The following CDS1 variants were observed in gnomAD, a reference collection of about 807,000 sequenced individuals.
CDS1 encodes CDP-diacylglycerol synthase 1.
Under a neutral mutation model 62.1 loss-of-function variants are expected in CDS1, and 41 were observed. The observed-to-expected ratio is 0.66, with a 90% confidence interval of 0.51 to 0.86. CDS1 has a LOEUF of 0.86. Ranked by LOEUF, CDS1 falls within the 40% of genes least tolerant of loss-of-function variation. The probability of loss-of-function intolerance (pLI) is 0.00; values close to 1 mark genes in which losing one functional copy is unlikely to be tolerated. For synonymous variants in CDS1, 185 were observed against 192.6 expected (o/e 0.96, Z 0.32); for missense variants, 470 against 550.1 (o/e 0.85, Z 1.46).
Position 84,583,196 on chromosome 4 carries a change from C to G in CDS1, c.-206C>G. 2.1e-6 allele frequency: 1 copy of G among 482,742 alleles called. No homozygotes were observed. Among genetic ancestry groups the G allele is most frequent in the Admixed American group, 4.4e-5 (1 of 22,782 alleles). 29.9% of individuals were successfully genotyped at this position (482,742 alleles called of 1,614,324 possible). The stretch of plus-strand genomic sequence containing the variant: ...CCGCCGGAGCCGCGCTCGCTGCAGG[C>G]GGCCTCGAGCGCTCTCTCGTTGATG... On this transcript the variant is annotated 5_prime_UTR_variant, in exon 1 of 13. Coordinates refer to ENST00000295887, the MANE Select transcript of CDS1 (RefSeq NM_001263.4).
At chr4:84,639,478 C>A (rs1049735327) in intron 9 of CDS1, among the ~76,000 whole-genome samples, 12 of 152,292 alleles carry the variant, frequency 7.9e-5, no homozygotes, top group Admixed American at 2.0e-4. Context: ...AACAGTCTAA[C>A]TATAAACTAT....
At chr4:84,634,013 C>A in intron 7 of CDS1, 74 bp downstream of exon 7, 1 of 778,600 alleles carries the variant, frequency 1.3e-6, no homozygotes, top group South Asian at 2.1e-5. Flanking sequence ...TGGATAGTGT[C>A]TTACAGATTT....
rs1264703541 is a variant in CDS1, at chr4:84,650,768, A to G, written c.*2082A>G. On this transcript the variant is annotated 3_prime_UTR_variant, in exon 13 of 13. Coordinates refer to ENST00000295887, the MANE Select transcript of CDS1 (RefSeq NM_001263.4). ...ATTGAATGTACATTATCCTATATGTAAAAAAGCAAATTATTAATTTTAATG... is the reference window on the plus strand; with the variant it reads ...ATTGAATGTACATTATCCTATATGTGAAAAAGCAAATTATTAATTTTAATG... 6.6e-6 allele frequency: 1 copy of G among 152,210 alleles called. No individual in the cohort carries two copies. Among genetic ancestry groups the G allele is most frequent in the African/African-American group, 2.4e-5 (1 of 41,460 alleles). 9.4% of individuals were successfully genotyped at this position (152,210 alleles called of 1,614,324 possible). A position where few individuals can be genotyped will look rare whatever the true frequency, so the allele number is the denominator to read the frequency against.
chr4:84,603,168 A>G lies in CDS1; in HGVS notation c.118-1075A>G, dbSNP rs77012833. ...TTCGAAGGGGTGATGACATTTGCCAATGTTTTGGAGCTAATAAGGGCTGAG... is the reference window on the plus strand; with the variant it reads ...TTCGAAGGGGTGATGACATTTGCCAGTGTTTTGGAGCTAATAAGGGCTGAG... On this transcript the variant is annotated intron_variant, in intron 1 of 12. Coordinates refer to ENST00000295887, the MANE Select transcript of CDS1 (RefSeq NM_001263.4). Among the ~76,000 whole-genome samples, 1,121 of 152,298 alleles carry G rather than the reference A, an allele frequency of 7.4e-3. 22 individuals are homozygous for G. The highest frequency in any genetic ancestry group is 0.025 in the African/African-American group (1,057 of 41,554).
rs973390062 is a variant in CDS1 at position 84,583,175 on chromosome 4, C to G, written c.-227C>G. ...CCCGGAGCCTGCCCGGGACCTCCGC[C>G]GGAGCCGCGCTCGCTGCAGGCGGCC... On this transcript the variant is annotated 5_prime_UTR_variant, in exon 1 of 13. Transcript: ENST00000295887. The G allele has an allele frequency of 1.1e-3, 486 of 445,820 alleles. 1 individual carries two copies. Among genetic ancestry groups the G allele is most frequent in the Non-Finnish European group, 1.7e-3 (421 of 251,436 alleles). The allele number at this position is 445,820 out of a possible 1,614,324, so 27.6% of individuals were successfully genotyped here.
chr4:84,594,141 C>T (rs997673109), intron 1 of CDS1, among the ~76,000 whole-genome samples: 1 of 151,994 alleles, frequency 6.6e-6, no homozygotes, highest in African/African-American at 2.4e-5. Context: ...CTTGGCTGGG[C>T]TGCAAATTAA....
rs150203174 is a variant in CDS1, at chr4:84,630,336, T to C, written c.581-1483T>C. 5.8e-3 allele frequency among the ~76,000 whole-genome samples: 883 copies of C among 152,300 alleles called. 8 individuals are homozygous for C. Among genetic ancestry groups the C allele is most frequent in the African/African-American group, 0.02 (814 of 41,550 alleles). ...CCTCCACTCAGAAAATGTGTCCCTATTGCTTGTGCAGGCCAGTTAGTTGGA... is the reference window on the plus strand; with the variant it reads ...CCTCCACTCAGAAAATGTGTCCCTACTGCTTGTGCAGGCCAGTTAGTTGGA... On this transcript the variant is annotated intron_variant, in intron 5 of 12. Coordinates refer to ENST00000295887, the MANE Select transcript of CDS1 (RefSeq NM_001263.4).
intron 3 of CDS1, among the ~76,000 whole-genome samples, chr4:84,610,206 CA>C (rs1723275124): frequency 6.6e-6 from 1 of 152,012 alleles, no homozygotes; most frequent in South Asian, 2.1e-4. Flanking sequence ...GCACCTAATC[CA>C]GTCTGAGGGA....
In CDS1 at chr4:84,635,300, C is replaced by A; in HGVS notation, c.759C>A (p.Asp253Glu). Residue 253 changes from aspartate (D) to glutamate (E), a missense_variant, in exon 8 of 13, where the codon GAC (aspartate) becomes GAA (glutamate). Physicochemically the swap from Asp to Glu is conservative, Grantham distance 45. Transcript: ENST00000295887. Reference protein sequence around the residue: ...LVPISSVICNDITAYLFGFFF... With the variant: ...LVPISSVICNEITAYLFGFFF... ...CAATATCAAGTGTTATCTGCAATGA[C>A]ATAACTGCTTACCTTTTTGGATTTT... 1 of 1,571,210 alleles carries A rather than the reference C, an allele frequency of 6.4e-7. No homozygotes were observed. Among genetic ancestry groups the A allele is most frequent in the Non-Finnish European group, 8.7e-7 (1 of 1,151,670 alleles).
intron 12 of CDS1, among the ~76,000 whole-genome samples, chr4:84,646,982 C>T (rs961406996): frequency 2.6e-5 from 4 of 152,074 alleles, no homozygotes; most frequent in Admixed American, 2.0e-4. Context: ...ATTGTCATAT[C>T]TCTCCATTGA....
intron 5 of CDS1, among the ~76,000 whole-genome samples, chr4:84,620,099 T>C (rs900713386): frequency 1.3e-5 from 2 of 151,750 alleles, no homozygotes; most frequent in Non-Finnish European, 2.9e-5. Flanking sequence ...AAAAAAACTT[T>C]TAAGTAAATA....
chr4:84,619,140 GT>G (rs1723592911), intron 4 of CDS1, among the ~76,000 whole-genome samples: 1 of 150,750 alleles, frequency 6.6e-6, no homozygotes, highest in African/African-American at 2.4e-5. Context: ...TTTCTACATT[GT>G]TTCCTAATTA....
chr4:84,641,101 A>AGGGAAACTCT, intron 10 of CDS1, 111 bp downstream of exon 10: 3 of 709,474 alleles, frequency 4.2e-6, no homozygotes, highest in Non-Finnish European at 5.8e-6. Flanking sequence ...TTTGAGACAG[A>AGGGAAACTCT]GTTTCCCTCT....
At chr4:84,629,818 G>A (rs1302878390) in intron 5 of CDS1, among the ~76,000 whole-genome samples, 1 of 152,196 alleles carries the variant, frequency 6.6e-6, no homozygotes, top group Non-Finnish European at 1.5e-5. Context: ...TTAGGAAAAT[G>A]TTAAATGATT....
chr4:84,645,433 T>G (rs1311395224), intron 12 of CDS1, 108 bp downstream of exon 12: 1 of 670,330 alleles, frequency 1.5e-6, no homozygotes, highest in Non-Finnish European at 2.6e-6. Flanking sequence ...TCTACAATAT[T>G]AAAGTGAATG....
intron 1 of CDS1, among the ~76,000 whole-genome samples, chr4:84,601,511 C>T (rs1386763914): frequency 6.6e-6 from 1 of 152,050 alleles, no homozygotes; most frequent in Non-Finnish European, 1.5e-5. Flanking sequence ...CATGAGATCA[C>T]GTGGTGGTGG....
intron 6 of CDS1, 123 bp from the exon 7 acceptor site, chr4:84,633,733 GA>G (rs1291486905): frequency 2.3e-6 from 1 of 441,728 alleles, no homozygotes; most frequent in African/African-American, 2.0e-5. Flanking sequence ...TATTTTATAT[GA>G]CTCTAACTTG....
At position 84,644,719 on chromosome 4, in the gene CDS1, G is replaced by A. The variant is rs574234310; in HGVS notation, c.1153-503G>A. Among the ~76,000 whole-genome samples the A allele has an allele frequency of 2.0e-5, 3 of 152,246 alleles. No homozygotes were observed. In the East Asian group the frequency reaches 5.8e-4, roughly 29 times the overall value. On this transcript the variant is annotated intron_variant, in intron 11 of 12. Transcript: ENST00000295887. Reference sequence around the variant, plus strand: ...CTAATGTGTCCCATATGGGCTCACTGTAATTTTATTTTTTACTCTAACACT... The same window carrying A: ...CTAATGTGTCCCATATGGGCTCACTATAATTTTATTTTTTACTCTAACACT...
intron 5 of CDS1, among the ~76,000 whole-genome samples, chr4:84,626,354 T>A (rs1723861833): frequency 1.3e-5 from 2 of 152,234 alleles, no homozygotes; most frequent in African/African-American, 4.8e-5. Flanking sequence ...AAATAATAGA[T>A]CTTTTTACAC....
Sources: allele counts gnomAD v4.1 joint callset (sites outside exome capture counted in the v4.1 genomes callset), GRCh38; gene constraint gnomAD v4.1.1; transcripts MANE v1.5; gene names NCBI Gene and HGNC (gene_info 2026-07-23, HGNC 2026-07-21).